The following SLC12A7 variants were observed in gnomAD, a reference collection of about 807,000 sequenced individuals.
SLC12A7 encodes K-Cl cotransporter 4.
Under a neutral mutation model 120.6 loss-of-function variants are expected in SLC12A7, and 100 were observed. The ratio of observed to expected loss-of-function variants is 0.83; its 90% confidence interval spans 0.71 to 0.98. The LOEUF is 0.98. Ranked by LOEUF, SLC12A7 falls within the 50% of genes least tolerant of loss-of-function variation. The probability of loss-of-function intolerance (pLI) is 0.00; values close to 1 mark genes in which losing one functional copy is unlikely to be tolerated. For missense variants in SLC12A7, 1,373 were observed against 1,548.1 expected (o/e 0.89, Z 1.90); for synonymous variants, 760 against 678.0 (o/e 1.12, Z -1.88).
At chr5:1,095,528 G>A (rs914371114) in intron 1 of SLC12A7, among the ~76,000 whole-genome samples, 4 of 152,212 alleles carry the variant, frequency 2.6e-5, no homozygotes, top group Admixed American at 1.3e-4. Flanking sequence ...ACCCTTCCTA[G>A]GGGTGCTCGG....
chr5:1,076,926 C>T (rs934088404), intron 12 of SLC12A7, 114 bp from the exon 13 acceptor site: 30 of 754,360 alleles, frequency 4.0e-5, no homozygotes, highest in East Asian at 1.7e-4. Context: ...CCAGCAGAAA[C>T]GCCTTTCACA....
intron 6 of SLC12A7, among the ~76,000 whole-genome samples, chr5:1,086,495 G>A (rs1395747625): frequency 6.6e-6 from 1 of 152,174 alleles, no homozygotes; most frequent in East Asian, 1.9e-4. Flanking sequence ...GTACATTGCT[G>A]GGCTCTGGGA....
At chr5:1,100,320 C>T (rs953576023) in intron 1 of SLC12A7, among the ~76,000 whole-genome samples, 6 of 152,198 alleles carry the variant, frequency 3.9e-5, no homozygotes, top group Non-Finnish European at 5.9e-5. Flanking sequence ...CCACAGGACC[C>T]GGCCAGAGTC....
the SLC12A7 span, among the ~76,000 whole-genome samples, chr5:1,121,061 T>G: frequency 1.3e-5 from 2 of 152,202 alleles, no homozygotes; most frequent in Non-Finnish European, 2.9e-5. Flanking sequence ...CATCCTGACC[T>G]TGACACTGAG....
At chr5:1,097,549 G>A (rs760641319) in intron 1 of SLC12A7, among the ~76,000 whole-genome samples, 1 of 152,226 alleles carries the variant, frequency 6.6e-6, no homozygotes, top group Non-Finnish European at 1.5e-5. Context: ...CGAGATCCCT[G>A]CGTCTGACTG....
intron 8 of SLC12A7, among the ~76,000 whole-genome samples, chr5:1,082,556 C>T (rs1455838710): frequency 1.5e-5 from 2 of 135,922 alleles, no homozygotes; most frequent in African/African-American, 5.7e-5. Context: ...GGCTTCCTGT[C>T]TCGGGTTCTG....
chr5:1,094,002 G>A (rs983159437), intron 2 of SLC12A7, 152 bp downstream of exon 2: 159 of 646,288 alleles, frequency 2.5e-4, no homozygotes, highest in Non-Finnish European at 3.6e-4. Context: ...CTGGGCCCCC[G>A]CCACAGCCTT....
At chr5:1,099,311 A>AG (rs1223294181) in intron 1 of SLC12A7, among the ~76,000 whole-genome samples, 1 of 151,494 alleles carries the variant, frequency 6.6e-6, no homozygotes, top group Non-Finnish European at 1.5e-5. Flanking sequence ...GGTGGACGGC[A>AG]GAACCCAACC....
chr5:1,069,808 G>A (rs566232966), intron 17 of SLC12A7, among the ~76,000 whole-genome samples: 32 of 152,136 alleles, frequency 2.1e-4, no homozygotes, highest in Non-Finnish European at 4.1e-4. Flanking sequence ...CTTCCCATAA[G>A]AAGTTTGAAA....
At chr5:1,068,543 G>C (rs1343355630) in intron 17 of SLC12A7, among the ~76,000 whole-genome samples, 1 of 152,294 alleles carries the variant, frequency 6.6e-6, no homozygotes, top group Non-Finnish European at 1.5e-5. Context: ...CCCCAGGGCA[G>C]TGCAGCCCCA....
intron 22 of SLC12A7, 114 bp downstream of exon 22, chr5:1,057,357 G>A: frequency 9.7e-6 from 11 of 1,129,546 alleles, no homozygotes; most frequent in African/African-American, 1.6e-5. Context: ...CGGGCCCACT[G>A]GCCTGCAGGG....
At chr5:1,127,503 G>A in the SLC12A7 span, among the ~76,000 whole-genome samples, 2 of 152,212 alleles carry the variant, frequency 1.3e-5, no homozygotes, top group African/African-American at 2.4e-5. Flanking sequence ...GCCCACACCT[G>A]GACTTCAGAT....
intron 20 of SLC12A7, among the ~76,000 whole-genome samples, chr5:1,063,424 G>A (rs1406086779): frequency 6.6e-6 from 1 of 152,120 alleles, no homozygotes; most frequent in Non-Finnish European, 1.5e-5. Flanking sequence ...GGAGGACACG[G>A]GACCATGGAG....
chr5:1,084,326 G>A (rs1467524962), intron 7 of SLC12A7, among the ~76,000 whole-genome samples: 1 of 152,204 alleles, frequency 6.6e-6, no homozygotes, highest in African/African-American at 2.4e-5. Context: ...CCACCGCGCG[G>A]TGCCGAGTAG....
chr5:1,142,136 C>T, the SLC12A7 span, among the ~76,000 whole-genome samples: 1 of 151,856 alleles, frequency 6.6e-6, no homozygotes, highest in Admixed American at 6.5e-5. Flanking sequence ...ACCCGGCCAC[C>T]CCTGGCAGCA....
In SLC12A7 at chr5:1,075,427, G is replaced by C; in HGVS notation, c.1911C>G (p.Tyr637Ter). The C allele has an allele frequency of 1.2e-6, 2 of 1,612,606 alleles. No individual in the cohort carries two copies. Among genetic ancestry groups the C allele is most frequent in the Non-Finnish European group, 8.5e-7 (1 of 1,179,704 alleles). ...CAGCGATGAGCATGGCGGACAGCGC[G>C]TAGTACCAGGAGCAGATGAACATCA... Reference protein sequence around the residue: ...LALMFICSWYYALSAMLIAGC... With the variant: ...LALMFICSWY The change falls in exon 15 of 24, where the codon TAC becomes TAG. Residue 637 changes from tyrosine (Y) to a stop codon, truncating the protein, a stop_gained. Coordinates refer to ENST00000264930, the MANE Select transcript of SLC12A7 (RefSeq NM_006598.3). LOFTEE classifies it high-confidence loss of function.
chr5:1,055,399 G>A (rs970181477), intron 22 of SLC12A7, among the ~76,000 whole-genome samples: 6 of 152,178 alleles, frequency 3.9e-5, no homozygotes, highest in African/African-American at 1.2e-4. Flanking sequence ...ACAGACATCC[G>A]TTAAGTGTGC....
chr5:1,068,066 G>A (rs1345516331), intron 17 of SLC12A7, among the ~76,000 whole-genome samples: 1 of 152,242 alleles, frequency 6.6e-6, no homozygotes, highest in East Asian at 1.9e-4. Flanking sequence ...CAGAGCACAA[G>A]GGCGCGCATG....
At chr5:1,103,023 G>A (rs1561108431) in intron 1 of SLC12A7, among the ~76,000 whole-genome samples, 2 of 152,186 alleles carry the variant, frequency 1.3e-5, no homozygotes, top group South Asian at 2.1e-4. Flanking sequence ...GGATCCGAAC[G>A]CCAGCTGACG....
Sources: gnomAD v4.1 joint callset for allele counts (sites outside exome capture counted in the v4.1 genomes callset) on GRCh38, gnomAD v4.1.1 for gene constraint, MANE v1.5 for transcripts, NCBI Gene and HGNC (gene_info 2026-07-23, HGNC 2026-07-21) for gene names.